The following DPH6 variants were observed in gnomAD, a reference collection of about 807,000 sequenced individuals.
DPH6 encodes the protein diphthine--ammonia ligase.
A neutral mutation model predicts 38.2 loss-of-function variants in DPH6; 33 were observed. The ratio of observed to expected loss-of-function variants is 0.86; its 90% CI spans 0.65 to 1.15. The LOEUF is 1.15. Ranked by LOEUF, DPH6 falls within the 50% of genes most tolerant of loss-of-function variation. The probability of loss-of-function intolerance (pLI) is 0.00; values close to 1 mark genes in which losing one functional copy is unlikely to be tolerated. For synonymous variants in DPH6, 108 were observed against 103.0 expected, an observed-to-expected ratio of 1.05 and a Z score of -0.30; for missense variants, 325 against 320.0, an observed-to-expected ratio of 1.02 and a Z score of -0.12.
chr15:35,368,724 A>G (rs1481396731), downstream of DPH6, among the ~76,000 whole-genome samples: 1 of 151,886 alleles, frequency 6.6e-6, no homozygotes, highest in Non-Finnish European at 1.5e-5. Context: ...TACTATGAGG[A>G]GAACAGTTGT....
At chr15:35,536,328 A>G (rs1000392252) in intron 3 of DPH6, among the ~76,000 whole-genome samples, 1 of 152,034 alleles carries the variant, frequency 6.6e-6, no homozygotes, top group African/African-American at 2.4e-5. Flanking sequence ...AGTAAAATTA[A>G]TATTTCTACA....
intron 3 of DPH6, among the ~76,000 whole-genome samples, chr15:35,486,525 A>C (rs2054400225): frequency 6.7e-6 from 1 of 150,146 alleles, no homozygotes; most frequent in African/African-American, 2.5e-5. Context: ...TTAAATCATC[A>C]GATCTCAAGA....
chr15:35,348,480 T>C (rs937878244), intron 3 of DPH6, among the ~76,000 whole-genome samples: 2 of 152,126 alleles, frequency 1.3e-5, no homozygotes, highest in Non-Finnish European at 2.9e-5. Context: ...TCTGGGCTCT[T>C]TGTTCTGTTA....
chr15:35,376,974 C>T (rs1200868685), intron 7 of DPH6, among the ~76,000 whole-genome samples: 1 of 152,110 alleles, frequency 6.6e-6, no homozygotes, highest in East Asian at 1.9e-4. Context: ...TACATGCATA[C>T]TGCATATATA....
intron 5 of DPH6, among the ~76,000 whole-genome samples, chr15:35,422,508 A>G (rs1566904010): frequency 6.6e-6 from 1 of 151,988 alleles, no homozygotes; most frequent in South Asian, 2.1e-4. Context: ...ACTGTAAAAT[A>G]TTCACCACAA....
At chr15:35,518,184 C>T (rs1228417522) in intron 3 of DPH6, among the ~76,000 whole-genome samples, 2 of 151,988 alleles carry the variant, frequency 1.3e-5, no homozygotes, top group African/African-American at 4.8e-5. Flanking sequence ...TAAGACAAAG[C>T]CCTTACACAA....
the DPH6 span, among the ~76,000 whole-genome samples, chr15:35,162,193 C>A: frequency 6.6e-6 from 1 of 152,050 alleles, no homozygotes; most frequent in South Asian, 2.1e-4. Flanking sequence ...CAGTCTTTCA[C>A]ATGCCCAAGC....
At chr15:35,385,336 C>T (rs1424240872) in intron 6 of DPH6, among the ~76,000 whole-genome samples, 8 of 152,066 alleles carry the variant, frequency 5.3e-5, no homozygotes, top group East Asian at 1.9e-4. Flanking sequence ...TACTGCAGCA[C>T]GGTCACAATA....
chr15:35,456,457 C>A (rs1359707732), intron 3 of DPH6, among the ~76,000 whole-genome samples: 1 of 144,144 alleles, frequency 6.9e-6, no homozygotes, highest in African/African-American at 2.5e-5. Context: ...AGTCAAATTA[C>A]TATATATATA....
chr15:35,297,218 C>T (rs2052021462), intron 3 of DPH6, among the ~76,000 whole-genome samples: 1 of 152,102 alleles, frequency 6.6e-6, no homozygotes, highest in African/African-American at 2.4e-5. Flanking sequence ...AAACTTGAAA[C>T]CAGTATTTTT....
intron 3 of DPH6, among the ~76,000 whole-genome samples, chr15:35,497,292 T>C (rs1350265440): frequency 6.6e-6 from 1 of 152,194 alleles, no homozygotes; most frequent in Non-Finnish European, 1.5e-5. Flanking sequence ...AATAAATTAA[T>C]ATGAGAAATG....
intron 3 of DPH6, among the ~76,000 whole-genome samples, chr15:35,462,081 A>G (rs2054073229): frequency 6.6e-6 from 1 of 152,180 alleles, no homozygotes; most frequent in African/African-American, 2.4e-5. Flanking sequence ...TCTTTTCTTT[A>G]TGACGTGCAT....
chr15:35,452,754 T>C (rs2053952129), intron 4 of DPH6, among the ~76,000 whole-genome samples: 1 of 152,156 alleles, frequency 6.6e-6, no homozygotes, highest in African/African-American at 2.4e-5. Flanking sequence ...AATACAAACA[T>C]AATTGCAGAA....
At position 35,529,027 on chromosome 15, in the gene DPH6, A is replaced by AT. The variant is rs1191068407; in HGVS notation, c.312+9246dup. On this transcript the variant is annotated intron_variant, in intron 3 of 8. Transcript: ENST00000256538. ...CCACTCTATTTCCCTAATACATTTC[A>AT]TAATTTCCTGCTTACAAGACTTTGG... Among the ~76,000 whole-genome samples the AT allele has an allele frequency of 3.3e-5, 5 of 152,188 alleles. No individual in the cohort carries two copies. In the East Asian group the frequency reaches 9.6e-4, roughly 29 times the overall value.
chr15:35,186,797 G>C, the DPH6 span, among the ~76,000 whole-genome samples: 2 of 152,172 alleles, frequency 1.3e-5, no homozygotes, highest in African/African-American at 2.4e-5. Flanking sequence ...GACCATGTTG[G>C]CAAGGATGTG....
chr15:35,477,958 A>G (rs1007829152), intron 3 of DPH6, among the ~76,000 whole-genome samples: 2 of 151,882 alleles, frequency 1.3e-5, no homozygotes, highest in Admixed American at 6.6e-5. Context: ...CCCTCTCCCT[A>G]TGGTCCTTCC....
intron 5 of DPH6, among the ~76,000 whole-genome samples, chr15:35,439,949 G>A (rs2053766728): frequency 1.3e-5 from 2 of 152,108 alleles, no homozygotes; most frequent in African/African-American, 4.8e-5. Context: ...ATCCTATTAT[G>A]CTTTGTTTTT....
intron 2 of DPH6, among the ~76,000 whole-genome samples, chr15:35,539,640 A>G (rs2055222497): frequency 6.6e-6 from 1 of 152,054 alleles, no homozygotes; most frequent in East Asian, 1.9e-4. Flanking sequence ...ATTTAATGAC[A>G]TGGAAAATGT....
chr15:35,526,572 C>A (rs2141247897), intron 3 of DPH6, among the ~76,000 whole-genome samples: 1 of 152,226 alleles, frequency 6.6e-6, no homozygotes, highest in East Asian at 1.9e-4. Context: ...TACAGGAGCA[C>A]AAATGATGGC....
Sources: gnomAD v4.1 joint callset for allele counts (sites outside exome capture counted in the v4.1 genomes callset) on GRCh38, gnomAD v4.1.1 for gene constraint, MANE v1.5 for transcripts, NCBI Gene and HGNC (gene_info 2026-07-23, HGNC 2026-07-21) for gene names.